The following LIMS1 variants were observed in gnomAD, a reference collection of about 807,000 sequenced individuals.
The protein encoded by LIMS1 is LIM zinc finger domain containing 1, also known as LIM and senescent cell antigen-like-containing domain protein 1.
In LIMS1, 18 loss-of-function variants were observed where a neutral mutation model predicts 44.1. The ratio of observed to expected loss-of-function variants is 0.41; its 90% CI spans 0.28 to 0.61. LIMS1 has a LOEUF of 0.61. Ranked by LOEUF, LIMS1 falls within the 20% of genes least tolerant of loss-of-function variation. The pLI, the probability that LIMS1 is intolerant of heterozygous loss-of-function variation, is 0.32. For missense variants in LIMS1, 201 were observed against 422.0 expected, an observed-to-expected ratio of 0.48 and a Z score of 4.59; for synonymous variants, 93 against 149.1, an observed-to-expected ratio of 0.62 and a Z score of 2.74.
At chr2:108,616,787 C>T (rs1394416542) in intron 1 of LIMS1, among the ~76,000 whole-genome samples, 2 of 152,114 alleles carry the variant, frequency 1.3e-5, no homozygotes, top group Non-Finnish European at 2.9e-5. Context: ...GATATATAGC[C>T]CTGTTCTTCC....
chr2:108,678,355 A>G (rs1233652213), intron 8 of LIMS1: 2 of 416,504 alleles, frequency 4.8e-6, no homozygotes, highest in Non-Finnish European at 8.5e-6. Flanking sequence ...GAACAGTTTA[A>G]TCTGCTATCG....
chr2:108,575,606 G>A (rs1362213244), intron 1 of LIMS1, among the ~76,000 whole-genome samples: 1 of 152,176 alleles, frequency 6.6e-6, no homozygotes, highest in Non-Finnish European at 1.5e-5. Context: ...TCACAGTCAG[G>A]CTATTGGGCT....
intron 1 of LIMS1, among the ~76,000 whole-genome samples, chr2:108,551,999 A>G (rs1338094819): frequency 6.9e-6 from 1 of 144,688 alleles, no homozygotes; most frequent in Non-Finnish European, 1.5e-5. Context: ...ACCATGCCTC[A>G]GATCATTTTC....
chr2:108,598,817 G>C (rs898761518), intron 1 of LIMS1, among the ~76,000 whole-genome samples: 1 of 152,018 alleles, frequency 6.6e-6, no homozygotes, highest in African/African-American at 2.4e-5. Flanking sequence ...TTTCATTTAA[G>C]GAGTTAGCAT....
intron 2 of LIMS1, among the ~76,000 whole-genome samples, chr2:108,661,756 A>C (rs911367462): frequency 6.6e-6 from 1 of 152,142 alleles, no homozygotes; most frequent in African/African-American, 2.4e-5. Context: ...GGCACCATGG[A>C]GGCCTGCGGG....
chr2:108,676,128 A>G, intron 6 of LIMS1, 100 bp downstream of exon 6: 1 of 1,392,150 alleles, frequency 7.2e-7, no homozygotes, highest in Admixed American at 2.7e-5. Context: ...GGTAACCAGT[A>G]CTTTCAAATC....
chr2:108,640,925 C>T (rs1399125243), intron 1 of LIMS1, among the ~76,000 whole-genome samples: 1 of 152,148 alleles, frequency 6.6e-6, no homozygotes, highest in Admixed American at 6.5e-5. Flanking sequence ...TAACCTCTCC[C>T]TCTCTCCCCT....
At chr2:108,604,008 T>A (rs1687146423) in intron 1 of LIMS1, among the ~76,000 whole-genome samples, 1 of 152,142 alleles carries the variant, frequency 6.6e-6, no homozygotes, top group African/African-American at 2.4e-5. Flanking sequence ...TCCCTATATC[T>A]CATAGGTTTT....
In LIMS1 at chr2:108,636,912, A is replaced by G. The variant is rs542416977; in HGVS notation, c.33-22693A>G. ...CCTGGTTGTAGCTGGGCAGTGTTAC[A>G]TGAGCACCAGCTTACAGTGGTTGAC... On this transcript the variant is annotated intron_variant, in intron 1 of 9. Coordinates refer to ENST00000544547, the Ensembl canonical transcript of LIMS1. 7.7e-4 allele frequency among the ~76,000 whole-genome samples: 117 copies of G among 152,264 alleles called. 2 individuals carry two copies. The South Asian group carries it at 0.024, about 31-fold the overall frequency.
chr2:108,575,121 C>G (rs1284904166), intron 1 of LIMS1, among the ~76,000 whole-genome samples: 1 of 152,176 alleles, frequency 6.6e-6, no homozygotes, highest in East Asian at 1.9e-4. Context: ...TAACACGCCT[C>G]AACACTCTTG....
At chr2:108,585,138 A>G (rs899002454) in intron 1 of LIMS1, among the ~76,000 whole-genome samples, 3 of 130,784 alleles carry the variant, frequency 2.3e-5, no homozygotes, top group African/African-American at 9.0e-5. Flanking sequence ...GCAACAGAGC[A>G]TGACTCCGTC....
rs76366103 is a variant in LIMS1 at position 108,604,967 on chromosome 2, G to T, written c.33-54638G>T. On this transcript the variant is annotated intron_variant, in intron 1 of 9. Coordinates refer to ENST00000544547, the Ensembl canonical transcript of LIMS1. The stretch of plus-strand genomic sequence containing the variant: ...TTCCCCACCTTGTGAGTCTGAACAG[G>T]ATACTGAAGCTTGCTCCCTCTTGAG... Among the ~76,000 whole-genome samples the T allele has an allele frequency of 4.4e-3, 671 of 152,320 alleles. 4 individuals are homozygous for T. Among genetic ancestry groups the T allele is most frequent in the South Asian group, 0.014 (68 of 4,834 alleles).
intron 1 of LIMS1, among the ~76,000 whole-genome samples, chr2:108,567,069 A>T (rs958914963): frequency 1.3e-5 from 2 of 152,208 alleles, no homozygotes; most frequent in Admixed American, 6.5e-5. Context: ...TTCAATGTCT[A>T]TAAATTTGAA....
chr2:108,558,959 C>T (rs970448346), intron 1 of LIMS1, among the ~76,000 whole-genome samples: 12 of 152,192 alleles, frequency 7.9e-5, no homozygotes, highest in Non-Finnish European at 1.5e-4. Context: ...GTGTGAGCCA[C>T]TGTGCCCGGC....
intron 1 of LIMS1, among the ~76,000 whole-genome samples, chr2:108,561,852 C>T (rs539262941): frequency 4.0e-5 from 6 of 151,408 alleles, no homozygotes; most frequent in African/African-American, 1.2e-4. Flanking sequence ...AAGCAACTCT[C>T]ATGCCTCAGC....
At chr2:108,621,386 A>G in intron 1 of LIMS1, 1 of 1,550,218 alleles carries the variant, frequency 6.5e-7, no homozygotes, top group Non-Finnish European at 8.7e-7. Flanking sequence ...GAGCTTTCAC[A>G]TTCAGGTCTC....
At chr2:108,631,942 A>G (rs1688954420) in intron 1 of LIMS1, among the ~76,000 whole-genome samples, 1 of 152,124 alleles carries the variant, frequency 6.6e-6, no homozygotes, top group African/African-American at 2.4e-5. Flanking sequence ...CGCTTTGCAT[A>G]TATGCCTCCT....
chr2:108,636,608 T>TATCCCAGTG (rs1222741604), intron 1 of LIMS1, among the ~76,000 whole-genome samples: 1 of 152,218 alleles, frequency 6.6e-6, no homozygotes, highest in Non-Finnish European at 1.5e-5. Context: ...CACCTAGCAA[T>TATCCCAGTG]ATCCCAGTGA....
chr2:108,616,802 A>G (rs956147310), intron 1 of LIMS1, among the ~76,000 whole-genome samples: 7 of 152,098 alleles, frequency 4.6e-5, no homozygotes, highest in African/African-American at 7.2e-5. Context: ...TCTTCCTTCA[A>G]ATTTATAGCC....
Sources: gnomAD v4.1 joint callset for allele counts (sites outside exome capture counted in the v4.1 genomes callset) on GRCh38, gnomAD v4.1.1 for gene constraint, MANE v1.5 for transcripts, NCBI Gene and HGNC (gene_info 2026-07-23, HGNC 2026-07-21) for gene names.